Variants in PCCA observed in about 807,000 individuals in gnomAD.
The protein encoded by PCCA is propionyl-CoA carboxylase subunit alpha.
A neutral mutation model predicts 101.3 loss-of-function variants in PCCA; 74 were observed. The observed-to-expected ratio is 0.73, with a 90% CI of 0.61 to 0.89. PCCA has a LOEUF of 0.89. Among genes scored for constraint, PCCA ranks in the 40% least tolerant of loss-of-function variants. The pLI is 0.00. For missense variants in PCCA, 891 were observed against 907.0 expected, an observed-to-expected ratio of 0.98 and a Z score of 0.23; for synonymous variants, 294 against 313.6, an observed-to-expected ratio of 0.94 and a Z score of 0.66.
intron 16 of PCCA, among the ~76,000 whole-genome samples, chr13:100,322,571 T>A (rs1390782706): frequency 1.4e-5 from 2 of 146,926 alleles, no homozygotes. Context: ...TTTTTTTTAA[T>A]TTTTTTTTTT....
intron 4 of PCCA, among the ~76,000 whole-genome samples, chr13:100,116,482 G>T (rs1362865807): frequency 6.6e-6 from 1 of 152,212 alleles, no homozygotes; most frequent in East Asian, 1.9e-4. Context: ...AAAAATGTTG[G>T]CTTTTAGAGA....
rs780887317 is a variant in PCCA, at chr13:100,262,786, A to G, written c.774A>G (p.Leu258=). ...CTTCTAGTTTTGGCGATGATAGACT[A>G]CTAATAGAAAAATTTATTGATAATC... ...EAASSFGDDR[L]LIEKFIDNPR... is the part of the protein sequence containing the mutation. The change falls in exon 10 of 24, where the codon CTA becomes CTG. Residue 258 remains leucine, a synonymous_variant. Coordinates refer to ENST00000376285, the MANE Select transcript of PCCA (RefSeq NM_000282.4). 2 of 1,576,320 alleles carry G rather than the reference A, an allele frequency of 1.3e-6. No homozygotes were observed. Among genetic ancestry groups the G allele is most frequent in the East Asian group, 4.5e-5 (2 of 44,570 alleles).
chr13:100,398,192 C>T (rs914591769), intron 19 of PCCA, among the ~76,000 whole-genome samples: 2 of 152,198 alleles, frequency 1.3e-5, no homozygotes, highest in African/African-American at 2.4e-5. Flanking sequence ...AAGGAAGCTC[C>T]GTGCCATTTT....
chr13:100,117,816 G>C (rs2048946873), intron 4 of PCCA, among the ~76,000 whole-genome samples: 1 of 151,712 alleles, frequency 6.6e-6, no homozygotes, highest in Admixed American at 6.6e-5. Flanking sequence ...CCCCTGGACA[G>C]GAAAAAGAAA....
intron 21 of PCCA, among the ~76,000 whole-genome samples, chr13:100,465,043 A>T (rs2082413558): frequency 6.6e-6 from 1 of 152,148 alleles, no homozygotes; most frequent in South Asian, 2.1e-4. Context: ...AGTGAGAAGG[A>T]AGTGGGAATG....
intron 22 of PCCA, among the ~76,000 whole-genome samples, chr13:100,517,243 A>G (rs1398082472): frequency 6.6e-6 from 1 of 152,232 alleles, no homozygotes; most frequent in African/African-American, 2.4e-5. Flanking sequence ...ACGGCCCTCA[A>G]GGAGGTTGCT....
intron 18 of PCCA, among the ~76,000 whole-genome samples, chr13:100,342,962 T>C (rs529010722): frequency 6.6e-6 from 1 of 151,906 alleles, no homozygotes; most frequent in Non-Finnish European, 1.5e-5. Context: ...GCTCAAGTGA[T>C]CCAGTCCACC....
chr13:100,295,801 C>T (rs1312912674), intron 12 of PCCA, among the ~76,000 whole-genome samples: 1 of 152,188 alleles, frequency 6.6e-6, no homozygotes, highest in Non-Finnish European at 1.5e-5. Context: ...TTTAATACTT[C>T]TCATCAGCCT....
At chr13:100,209,284 T>C in intron 6 of PCCA, 48 bp from the exon 7 acceptor site, 2 of 1,567,082 alleles carry the variant, frequency 1.3e-6, no homozygotes, top group Non-Finnish European at 1.8e-6. Flanking sequence ...CTCCACATCA[T>C]GCTCCGTAAT....
intron 18 of PCCA, among the ~76,000 whole-genome samples, chr13:100,354,115 AT>A (rs1439258068): frequency 4.7e-4 from 65 of 138,132 alleles, no homozygotes; most frequent in African/African-American, 1.5e-3. Context: ...AATAATAATA[AT>A]AATAAAATAA....
chr13:100,526,976 C>CT (rs2087884005), intron 22 of PCCA, among the ~76,000 whole-genome samples: 1 of 152,226 alleles, frequency 6.6e-6, no homozygotes, highest in Admixed American at 6.5e-5. Flanking sequence ...CGGAAGCTGC[C>CT]TTGTGCCTTG....
intron 4 of PCCA, chr13:100,150,605 C>T: frequency 8.4e-7 from 1 of 1,195,738 alleles, no homozygotes; most frequent in South Asian, 1.2e-5. Context: ...CTGCAGATGT[C>T]AGCCCACACA....
At chr13:100,401,115 C>G (rs553689280) in intron 19 of PCCA, among the ~76,000 whole-genome samples, 2 of 152,042 alleles carry the variant, frequency 1.3e-5, no homozygotes, top group Non-Finnish European at 1.5e-5. Context: ...TGGCTTATCC[C>G]GAGAATTGAC....
In PCCA at chr13:100,297,341, G is replaced by A. The variant is rs1301115731; in HGVS notation, c.1066-4119G>A. The stretch of plus-strand genomic sequence containing the variant: ...GCATACTTCCTAGTTTGTATTTAGT[G>A]AGGAATAGGCTGAAGATGACAATGG... On this transcript the variant is annotated intron_variant, in intron 12 of 23. Coordinates refer to ENST00000376285, the MANE Select transcript of PCCA (RefSeq NM_000282.4). Among the ~76,000 whole-genome samples, 4 of 152,192 alleles carry A rather than the reference G, an allele frequency of 2.6e-5. No individual in the cohort carries two copies. In the East Asian group the frequency reaches 7.7e-4, roughly 29 times the overall value.
chr13:100,464,494 C>G (rs2082373048), intron 21 of PCCA: 2 of 152,280 alleles, frequency 1.3e-5, no homozygotes, highest in Admixed American at 1.3e-4. Context: ...TTCATTTTCC[C>G]TTTCATTTGT....
chr13:100,332,704 G>A (rs1229844036), intron 17 of PCCA, among the ~76,000 whole-genome samples: 1 of 152,170 alleles, frequency 6.6e-6, no homozygotes, highest in Non-Finnish European at 1.5e-5. Flanking sequence ...ACTCAGAAAT[G>A]TACTTAAACC....
intron 19 of PCCA, among the ~76,000 whole-genome samples, chr13:100,414,612 A>T (rs1345442115): frequency 2.0e-5 from 3 of 152,222 alleles, no homozygotes; most frequent in African/African-American, 7.2e-5. Context: ...TATTGTCAGC[A>T]TCTTGGCTTT....
At chr13:100,454,032 G>A (rs1595969207) in intron 21 of PCCA, among the ~76,000 whole-genome samples, 1 of 151,944 alleles carries the variant, frequency 6.6e-6, no homozygotes, top group African/African-American at 2.4e-5. Flanking sequence ...CACTACACCC[G>A]GCTAATTTTT....
intron 19 of PCCA, among the ~76,000 whole-genome samples, chr13:100,396,691 C>G (rs2152847513): frequency 6.6e-6 from 1 of 152,264 alleles, no homozygotes; most frequent in South Asian, 2.1e-4. Flanking sequence ...CATATATTAG[C>G]AAGGTTTGTC....
Sources: allele counts gnomAD v4.1 joint callset (sites outside exome capture counted in the v4.1 genomes callset), GRCh38; gene constraint gnomAD v4.1.1; transcripts MANE v1.5; gene names NCBI Gene and HGNC (gene_info 2026-07-23, HGNC 2026-07-21).